DST: variants seen among roughly 807,000 people sequenced by gnomAD.
DST encodes bullous pemphigoid antigen.
Under a neutral mutation model 875.2 loss-of-function variants are expected in DST, and 253 were observed. The ratio of observed to expected loss-of-function variants is 0.29; its 90% confidence interval spans 0.26 to 0.32. DST has a LOEUF of 0.32. Ranked by LOEUF, DST falls within the 10% of genes least tolerant of loss-of-function variation. DST has a pLI of 1.00. For synonymous variants in DST, 3,124 were observed against 3,197.1 expected (o/e 0.98, Z 0.77); for missense variants, 8,287 against 9,111.6 (o/e 0.91, Z 3.68).
chr6:56,570,527 C>T (rs978999198), intron 53 of DST, among the ~76,000 whole-genome samples: 3 of 152,144 alleles, frequency 2.0e-5, no homozygotes, highest in African/African-American at 4.8e-5. Context: ...ATGCCTCTGA[C>T]GATCTGACAG....
At chr6:56,953,556 T>C (rs1327655459) in intron 2 of DST, among the ~76,000 whole-genome samples, 1 of 152,136 alleles carries the variant, frequency 6.6e-6, no homozygotes, top group East Asian at 1.9e-4. Context: ...ACTTTTAGGG[T>C]TTGCCTTTTC....
At chr6:56,720,056 G>A (rs774521419) in intron 5 of DST, among the ~76,000 whole-genome samples, 17 of 152,110 alleles carry the variant, frequency 1.1e-4, no homozygotes, top group African/African-American at 1.4e-4. Flanking sequence ...TTTATTAGGC[G>A]GGAATTTCCT....
intron 2 of DST, among the ~76,000 whole-genome samples, chr6:56,918,459 C>A (rs138462272): frequency 6.6e-6 from 1 of 152,108 alleles, no homozygotes; most frequent in Non-Finnish European, 1.5e-5. Context: ...AGTTTATGCA[C>A]GTACCATACT....
chr6:56,628,554 G>T (rs773106342), intron 32 of DST, among the ~76,000 whole-genome samples: 7 of 152,112 alleles, frequency 4.6e-5, no homozygotes, highest in African/African-American at 7.2e-5. Flanking sequence ...GGTTCAACAT[G>T]GTCTCAGAGA....
At chr6:56,646,329 A>G in intron 13 of DST, 147 bp from the exon 14 acceptor site, 1 of 486,402 alleles carries the variant, frequency 2.1e-6, no homozygotes, top group Non-Finnish European at 3.6e-6. Context: ...AGACAATACC[A>G]ATTTCCAGCC....
intron 56 of DST, 56 bp downstream of exon 56, chr6:56,562,082 T>G: frequency 8.6e-7 from 1 of 1,167,350 alleles, no homozygotes; most frequent in South Asian, 1.6e-5. Flanking sequence ...AGATTTTCTC[T>G]TATTAAAAAA....
intron 4 of DST, among the ~76,000 whole-genome samples, chr6:56,751,469 G>A (rs2099586872): frequency 6.6e-6 from 1 of 151,684 alleles, no homozygotes. Context: ...TTTTTTTACA[G>A]CAGGCATTCT....
At chr6:56,529,832 GAAAACATAAATAAAACT>G in intron 65 of DST, 58 bp from the exon 66 acceptor site, 1 of 1,454,556 alleles carries the variant, frequency 6.9e-7, no homozygotes, top group South Asian at 1.5e-5. Flanking sequence ...AAATAAAAAT[GAAAACATAAATAAAACT>G]AAAGCATGAC....
At position 56,604,790 on chromosome 6, in the gene DST, C is replaced by T. The variant is rs184118138; in HGVS notation, c.9838G>A (p.Val3280Ile). Reference sequence around the variant, plus strand: ...AAATCATTTTTCCCAACATCTTCTACATGTTTACGAGATAATATTGAAAGT... The same window carrying T: ...AAATCATTTTTCCCAACATCTTCTATATGTTTACGAGATAATATTGAAAGT... ...ATLSILSRKHVEDVGKNDFLQ... is the reference protein window; with the variant it reads ...ATLSILSRKHIEDVGKNDFLQ... The change falls in exon 40 of 104, where the codon GTA (valine) becomes ATA (isoleucine). Residue 3280 changes from valine (V) to isoleucine (I), a missense_variant. Around this residue, in one of 10 missense-constraint regions of DST, gnomAD observed 3,138 missense variants for 3,116.6 expected, o/e 1.01. Transcript: ENST00000680361. The T allele has an allele frequency of 6.6e-5, 106 of 1,612,842 alleles. 1 individual carries two copies. In the Admixed American group the frequency reaches 7.0e-4, roughly 11 times the overall value.
chr6:56,519,836 T>C lies in DST; in HGVS notation c.18130-2216A>G, dbSNP rs537705836. 6.6e-5 allele frequency among the ~76,000 whole-genome samples: 10 copies of C among 152,180 alleles called. No homozygotes were observed. In the South Asian group the frequency reaches 1.9e-3, roughly 28 times the overall value. ...AAGCTCTAACACTCATAAGATCATA[T>C]AAGAGCCAGGAAAATCTCAAACTGA... is the stretch of plus-strand genomic sequence containing the variant. On this transcript the variant is annotated intron_variant, in intron 69 of 103. Transcript: ENST00000680361.
At chr6:56,680,650 C>T (rs1415774462) in intron 9 of DST, among the ~76,000 whole-genome samples, 1 of 152,210 alleles carries the variant, frequency 6.6e-6, no homozygotes, top group Admixed American at 6.5e-5. Context: ...CATTCCTTCT[C>T]AGTCTTCATT....
intron 47 of DST, among the ~76,000 whole-genome samples, chr6:56,596,420 T>TC (rs1460808842): frequency 6.6e-6 from 1 of 152,224 alleles, no homozygotes; most frequent in Non-Finnish European, 1.5e-5. Flanking sequence ...CCAAGGGCTT[T>TC]CCTGTGTGAT....
At chr6:56,746,418 A>G (rs932136892) in intron 4 of DST, among the ~76,000 whole-genome samples, 1 of 152,246 alleles carries the variant, frequency 6.6e-6, no homozygotes, top group African/African-American at 2.4e-5. Context: ...GATGTTTACC[A>G]TAGCAAAATA....
intron 78 of DST, 30 bp downstream of exon 78, chr6:56,503,967 A>C: frequency 6.8e-7 from 1 of 1,478,826 alleles, no homozygotes; most frequent in Non-Finnish European, 9.3e-7. Context: ...ACTGCAAGGG[A>C]GTCTTCGATA....
chr6:56,494,203 T>A (rs764216090), intron 82 of DST, 23 bp from the exon 83 acceptor site: 1 of 1,575,224 alleles, frequency 6.3e-7, no homozygotes, highest in Non-Finnish European at 8.6e-7. Context: ...ACCCTCAAGT[T>A]ATATCACTTT....
chr6:56,487,293 A>C lies in DST; in HGVS notation c.20878-20T>G. On this transcript the variant is annotated intron_variant, in intron 86 of 103. Transcript: ENST00000680361. The stretch of plus-strand genomic sequence containing the variant: ...AAACTCCTAAATATTTAACAAGAAA[A>C]AAATGCGAATTTCTTCTTGGGACTA... The C allele has an allele frequency of 6.6e-7, 1 of 1,524,742 alleles. No homozygotes were observed. The highest frequency in any genetic ancestry group is 8.8e-7 in the Non-Finnish European group (1 of 1,136,476). The allele number at this position is 1,524,742 out of a possible 1,614,324, so 94.5% of individuals were successfully genotyped here.
chr6:56,555,676 C>A lies in DST; in HGVS notation c.14805G>T (p.Leu4935Phe). The change falls in exon 60 of 104, where the codon TTG (leucine) becomes TTT (phenylalanine). Residue 4935 changes from leucine to phenylalanine, a missense_variant. Leu to Phe is a conservative substitution (Grantham distance 22). Coordinates refer to ENST00000680361, the MANE Select transcript of DST (RefSeq NM_001374736.1). ...GGTCAATCCAGTCACATCTGTCACT[C>A]AATTGCCCTGTTAGGCTATCCCATT... ...TQKWDSLTGQ[L>F]SDRCDWIDQA... is the part of the protein sequence containing the mutation. The A allele has an allele frequency of 6.2e-7, 1 of 1,613,958 alleles. No individual in the cohort carries two copies. Among genetic ancestry groups the A allele is most frequent in the Non-Finnish European group, 8.5e-7 (1 of 1,179,842 alleles).
In DST at chr6:56,458,786, A is replaced by T; in HGVS notation, c.*219T>A. 1 of 463,236 alleles carries T rather than the reference A, an allele frequency of 2.2e-6. No individual in the cohort carries two copies. The highest frequency in any genetic ancestry group is 3.7e-6 in the Non-Finnish European group (1 of 270,730). The allele number at this position is 463,236 out of a possible 1,614,324, so 28.7% of individuals were successfully genotyped here. On this transcript the variant is annotated 3_prime_UTR_variant, in exon 104 of 104. Coordinates refer to ENST00000680361, the MANE Select transcript of DST (RefSeq NM_001374736.1). ...CAGTGCAGAAATGTTAGTTCATGTT[A>T]AACTTTTCCTCCTCACATATGATGT... is the stretch of plus-strand genomic sequence containing the variant.
chr6:56,951,567 CTA>C (rs757864493), intron 2 of DST, among the ~76,000 whole-genome samples: 15 of 152,194 alleles, frequency 9.9e-5, no homozygotes, highest in Admixed American at 2.6e-4. Flanking sequence ...AAAATATTCC[CTA>C]TGTTTTCCTT....
Sources: allele counts gnomAD v4.1 joint callset (sites outside exome capture counted in the v4.1 genomes callset), GRCh38; gene constraint gnomAD v4.1.1; regional missense constraint gnomAD v4.1.1; transcripts MANE v1.5; gene names NCBI Gene and HGNC (gene_info 2026-07-23, HGNC 2026-07-21).